The following LRRC69 variants were observed in gnomAD, a reference collection of about 807,000 sequenced individuals.
LRRC69 encodes the protein leucine-rich repeat-containing protein 69.
In LRRC69, 42 loss-of-function variants were observed where a neutral mutation model predicts 37.8. That is an observed-to-expected ratio of 1.11 (90% CI 0.87 to 1.44). LRRC69 has a LOEUF of 1.44. Ranked by LOEUF, LRRC69 falls within the 40% of genes most tolerant of loss-of-function variation. LRRC69 has a pLI of 0.00. For synonymous variants in LRRC69, 141 were observed against 143.1 expected (o/e 0.99, Z 0.11); for missense variants, 357 against 401.9 (o/e 0.89, Z 0.96).
At chr8:91,106,338 A>G (rs376468657) in intron 1 of LRRC69, among the ~76,000 whole-genome samples, 79 of 152,136 alleles carry the variant, frequency 5.2e-4, no homozygotes, top group East Asian at 4.6e-3. Flanking sequence ...GTTTGCCCCA[A>G]TATACTGATT....
rs542865304 is a variant in LRRC69 at position 91,212,257 on chromosome 8, C to T, written c.934-6633C>T. 9.2e-5 allele frequency among the ~76,000 whole-genome samples: 14 copies of T among 152,200 alleles called. No homozygotes were observed. In the South Asian group the frequency reaches 2.9e-3, roughly 32 times the overall value. On this transcript the variant is annotated intron_variant, in intron 7 of 7. Coordinates refer to ENST00000448384, the Ensembl canonical transcript of LRRC69. The stretch of plus-strand genomic sequence containing the variant: ...CTAACCTAAATAGTCTCATAAAATT[C>T]TTTCCAAACACTTGAGTGATCCTGT...
intron 6 of LRRC69, among the ~76,000 whole-genome samples, chr8:91,194,622 A>G (rs555403588): frequency 3.4e-4 from 51 of 151,868 alleles, no homozygotes; most frequent in African/African-American, 1.2e-3. Context: ...TAGATTTTCT[A>G]GTTTATTTGC....
intron 1 of LRRC69, among the ~76,000 whole-genome samples, chr8:91,119,061 A>G (rs1183354232): frequency 6.6e-6 from 1 of 152,008 alleles, no homozygotes; most frequent in African/African-American, 2.4e-5. Context: ...TGTCTGACTC[A>G]CTTCCCAACA....
intron 6 of LRRC69, among the ~76,000 whole-genome samples, chr8:91,192,672 T>C (rs1809520381): frequency 6.6e-6 from 1 of 152,196 alleles, no homozygotes; most frequent in Admixed American, 6.5e-5. Context: ...TCATGTCCTT[T>C]GCCGAATTTT....
At chr8:91,105,421 C>T (rs1040329906) in intron 1 of LRRC69, among the ~76,000 whole-genome samples, 1 of 151,870 alleles carries the variant, frequency 6.6e-6, no homozygotes, top group African/African-American at 2.4e-5. Flanking sequence ...CAGTGGCTCA[C>T]ACCTGTAATC....
At chr8:91,108,322 G>C (rs1432396744) in intron 1 of LRRC69, among the ~76,000 whole-genome samples, 1 of 152,050 alleles carries the variant, frequency 6.6e-6, no homozygotes, top group Non-Finnish European at 1.5e-5. Context: ...AACTAGTTAT[G>C]TGTGTCTGCA....
chr8:91,123,532 G>A (rs1167487408), intron 1 of LRRC69, among the ~76,000 whole-genome samples: 1 of 151,846 alleles, frequency 6.6e-6, no homozygotes, highest in Non-Finnish European at 1.5e-5. Context: ...TCCATAACAA[G>A]TACTAAGTGA....
intron 5 of LRRC69, among the ~76,000 whole-genome samples, chr8:91,142,288 C>A (rs1808544836): frequency 6.6e-6 from 1 of 151,944 alleles, no homozygotes; most frequent in Non-Finnish European, 1.5e-5. Context: ...AAATAGAAAA[C>A]TTCACATTTA....
intron 5 of LRRC69, among the ~76,000 whole-genome samples, chr8:91,169,488 A>G (rs551422486): frequency 1.1e-3 from 170 of 151,786 alleles, no homozygotes; most frequent in Middle Eastern, 6.8e-3. Context: ...CCTGACACAA[A>G]GGAGCATGAG....
chr8:91,206,470 G>A (rs1274538457), intron 7 of LRRC69, among the ~76,000 whole-genome samples: 1 of 152,208 alleles, frequency 6.6e-6, no homozygotes, highest in African/African-American at 2.4e-5. Flanking sequence ...GTAGCTATCT[G>A]TGAATTGTTC....
chr8:91,114,038 A>G (rs1813461762), intron 1 of LRRC69, among the ~76,000 whole-genome samples: 2 of 151,226 alleles, frequency 1.3e-5, no homozygotes, highest in Admixed American at 6.6e-5. Flanking sequence ...AGACATGTAA[A>G]TAGCCAATAG....
rs560768697 is a variant in LRRC69, at chr8:91,196,509, C to T, written c.754-4104C>T. Among the ~76,000 whole-genome samples, 5 of 152,254 alleles carry T rather than the reference C, an allele frequency of 3.3e-5. No homozygotes were observed. The South Asian group carries it at 1.0e-3, about 32-fold the overall frequency. On this transcript the variant is annotated intron_variant, in intron 6 of 7. Transcript: ENST00000448384. ...AGCAGACGTAGATTTGGTCTTTTCACATAGTCCCATATTTCTTGGAGGGTT... is the reference window on the plus strand; with the variant it reads ...AGCAGACGTAGATTTGGTCTTTTCATATAGTCCCATATTTCTTGGAGGGTT...
intron 1 of LRRC69, among the ~76,000 whole-genome samples, chr8:91,121,080 T>A (rs1295840093): frequency 6.6e-6 from 1 of 151,992 alleles, no homozygotes; most frequent in Non-Finnish European, 1.5e-5. Flanking sequence ...CTTCTATTTA[T>A]CTTACATCAT....
chr8:91,216,971 A>G (rs1810060042), intron 7 of LRRC69, among the ~76,000 whole-genome samples: 1 of 152,156 alleles, frequency 6.6e-6, no homozygotes, highest in Admixed American at 6.6e-5. Context: ...AGGCAGACAC[A>G]TTCTAGTCAA....
At chr8:91,129,250 C>G (rs1219753346) in intron 3 of LRRC69, among the ~76,000 whole-genome samples, 1 of 151,982 alleles carries the variant, frequency 6.6e-6, no homozygotes, top group Non-Finnish European at 1.5e-5. Flanking sequence ...ACTAAGTCAG[C>G]AGGCTCAGTT....
At chr8:91,133,004 C>A (rs1427935569) in intron 3 of LRRC69, 106 bp from the exon 4 acceptor site, 15 of 635,692 alleles carry the variant, frequency 2.4e-5, no homozygotes, top group Non-Finnish European at 3.8e-5. Flanking sequence ...CTCAGAAGAG[C>A]TACAAAAAAT....
chr8:91,108,517 A>G (rs1813357872), intron 1 of LRRC69, among the ~76,000 whole-genome samples: 1 of 152,040 alleles, frequency 6.6e-6, no homozygotes, highest in Admixed American at 6.6e-5. Flanking sequence ...ATTGTGTTGT[A>G]CTATGAGTCT....
chr8:91,103,609 T>C (rs549304635), intron 1 of LRRC69, among the ~76,000 whole-genome samples: 1 of 152,076 alleles, frequency 6.6e-6, no homozygotes, highest in South Asian at 2.1e-4. Context: ...TAAGGCGTTA[T>C]AGCTCATTAA....
intron 6 of LRRC69, among the ~76,000 whole-genome samples, chr8:91,196,322 C>T (rs1809599663): frequency 6.6e-6 from 1 of 151,628 alleles, no homozygotes; most frequent in Admixed American, 6.6e-5. Flanking sequence ...AATTATGTGT[C>T]TTGGAGTTGC....
Sources: gnomAD v4.1 joint callset for allele counts (sites outside exome capture counted in the v4.1 genomes callset) on GRCh38, gnomAD v4.1.1 for gene constraint, MANE v1.5 for transcripts, NCBI Gene and HGNC (gene_info 2026-07-23, HGNC 2026-07-21) for gene names.